FAM227B: variants seen among roughly 807,000 people sequenced by gnomAD.
FAM227B encodes the protein family with sequence similarity 227 member B.
In FAM227B, 88 loss-of-function variants were observed where a neutral mutation model predicts 73.8. The observed-to-expected ratio is 1.19, with a 90% CI of 1.00 to 1.42. FAM227B has a LOEUF of 1.42. Among genes scored for constraint, FAM227B ranks in the 40% most tolerant of loss-of-function variants. The probability of loss-of-function intolerance (pLI) is 0.00; values close to 1 mark genes in which losing one functional copy is unlikely to be tolerated. For missense variants in FAM227B, 632 were observed against 590.9 expected (o/e 1.07, Z -0.72); for synonymous variants, 210 against 190.5 (o/e 1.10, Z -0.84).
intron 11 of FAM227B, among the ~76,000 whole-genome samples, chr15:49,506,808 T>C (rs2058619464): frequency 6.6e-6 from 1 of 151,934 alleles, no homozygotes; most frequent in South Asian, 2.1e-4. Context: ...AAGCAGTGCT[T>C]AGGGAAATTT....
intron 11 of FAM227B, among the ~76,000 whole-genome samples, chr15:49,494,950 T>C (rs1277772732): frequency 4.6e-5 from 7 of 152,202 alleles, no homozygotes. Flanking sequence ...CTAAGCATGA[T>C]ACAAATGTCA....
chr15:49,456,712 A>T (rs2053326516), intron 11 of FAM227B, among the ~76,000 whole-genome samples: 3 of 152,060 alleles, frequency 2.0e-5, no homozygotes, highest in African/African-American at 7.2e-5. Flanking sequence ...TTCTGAAAAG[A>T]AAAAAGGGGA....
intron 11 of FAM227B, among the ~76,000 whole-genome samples, chr15:49,502,520 C>G (rs1481698592): frequency 6.6e-6 from 1 of 152,220 alleles, no homozygotes. Flanking sequence ...GCCGATTTCT[C>G]CCTTTTGGAA....
chr15:49,575,059 A>G lies in FAM227B; in HGVS notation c.597T>C (p.Ile199=). The part of the protein sequence containing the change: ...WKTHFLSEAS[I]ALLHDSFWWW... The stretch of plus-strand genomic sequence containing the variant: ...ACCAAAAGGAGTCATGCAAAAGAGC[A>G]ATGGAGGCTTCTGAGAGAAAATGAG... Residue 199 remains isoleucine, a synonymous_variant, in exon 8 of 16, where the codon ATT becomes ATC. Coordinates refer to ENST00000299338, the MANE Select transcript of FAM227B (RefSeq NM_152647.3). 6.2e-7 allele frequency: 1 copy of G among 1,602,976 alleles called. No homozygotes were observed. The highest frequency in any genetic ancestry group is 1.1e-5 in the South Asian group (1 of 89,414).
chr15:49,606,505 C>T (rs559059324), intron 3 of FAM227B, among the ~76,000 whole-genome samples: 4 of 152,336 alleles, frequency 2.6e-5, no homozygotes, highest in African/African-American at 9.6e-5. Context: ...CCTTTTCATA[C>T]TACTTGGGCT....
chr15:49,365,548 T>C (rs912316397), intron 13 of FAM227B: 1 of 881,298 alleles, frequency 1.1e-6, no homozygotes. Context: ...TGTTTCAGTA[T>C]TTTCAAAAGG....
At chr15:49,387,304 T>A (rs1412293176) in intron 11 of FAM227B, among the ~76,000 whole-genome samples, 1 of 151,892 alleles carries the variant, frequency 6.6e-6, no homozygotes, top group Non-Finnish European at 1.5e-5. Context: ...CATGGTCAAG[T>A]GGGTTTCATC....
chr15:49,572,159 T>TA (rs1363901316), intron 8 of FAM227B, among the ~76,000 whole-genome samples: 1 of 152,092 alleles, frequency 6.6e-6, no homozygotes, highest in Non-Finnish European at 1.5e-5. Flanking sequence ...AATTCATTGT[T>TA]AGTGTACAGA....
intron 11 of FAM227B, among the ~76,000 whole-genome samples, chr15:49,421,909 C>A (rs2049664800): frequency 6.6e-6 from 1 of 152,186 alleles, no homozygotes; most frequent in African/African-American, 2.4e-5. Context: ...AGAGTCTGTC[C>A]CCCTCTGCTT....
intron 11 of FAM227B, among the ~76,000 whole-genome samples, chr15:49,474,021 T>C (rs1195070522): frequency 6.6e-6 from 1 of 152,150 alleles, no homozygotes; most frequent in Non-Finnish European, 1.5e-5. Flanking sequence ...TTGAAAAATA[T>C]ACTAACCTAA....
At chr15:49,491,718 T>C (rs202211839) in intron 11 of FAM227B, among the ~76,000 whole-genome samples, 55 of 135,062 alleles carry the variant, frequency 4.1e-4, no homozygotes, top group African/African-American at 1.7e-3. Flanking sequence ...CACACACACA[T>C]ATGCACACAC....
rs535889150 is a variant in FAM227B, at chr15:49,577,708, G to T, written c.406-44C>A. 1,509 of 1,234,516 alleles carry T rather than the reference G, an allele frequency of 1.2e-3. 37 individuals carry two copies. The South Asian group carries it at 0.019, about 16-fold the overall frequency. 76.5% of individuals were successfully genotyped at this position (1,234,516 alleles called of 1,614,324 possible). On this transcript the variant is annotated intron_variant, in intron 5 of 15. Transcript: ENST00000299338. Reference sequence around the variant, plus strand: ...AAACTCTTTAAAACTCTAAATTAAAGAAATTTTACATTTAGTAAATTTGTT... The same window carrying T: ...AAACTCTTTAAAACTCTAAATTAAATAAATTTTACATTTAGTAAATTTGTT...
intron 11 of FAM227B, among the ~76,000 whole-genome samples, chr15:49,401,862 GA>G (rs2048178131): frequency 9.2e-6 from 1 of 108,638 alleles, no homozygotes; most frequent in Non-Finnish European, 1.8e-5. Flanking sequence ...GGGGTGGGGG[GA>G]GGGGGGAGGG....
At chr15:49,489,787 GAT>G (rs1180799050) in intron 11 of FAM227B, among the ~76,000 whole-genome samples, 2 of 78,116 alleles carry the variant, frequency 2.6e-5, no homozygotes, top group South Asian at 4.3e-4. Flanking sequence ...CAGAACAGGA[GAT>G]ATATATATAT....
intron 3 of FAM227B, among the ~76,000 whole-genome samples, chr15:49,605,360 T>C (rs999122753): frequency 6.6e-6 from 1 of 152,198 alleles, no homozygotes; most frequent in Non-Finnish European, 1.5e-5. Flanking sequence ...TTAGGTGGTA[T>C]TACCTCTTGG....
At chr15:49,396,685 G>A (rs1248315717) in intron 11 of FAM227B, among the ~76,000 whole-genome samples, 3 of 150,698 alleles carry the variant, frequency 2.0e-5, no homozygotes, top group Non-Finnish European at 3.0e-5. Flanking sequence ...GTGGGTCCCT[G>A]ACCCCTGACC....
chr15:49,403,324 T>C (rs1406985400), intron 11 of FAM227B, among the ~76,000 whole-genome samples: 1 of 152,222 alleles, frequency 6.6e-6, no homozygotes, highest in Non-Finnish European at 1.5e-5. Context: ...TTTTTTGGAA[T>C]AGTTTCAGTA....
chr15:49,465,690 ATT>A (rs1267422038), intron 11 of FAM227B, among the ~76,000 whole-genome samples: 1 of 152,220 alleles, frequency 6.6e-6, no homozygotes, highest in Non-Finnish European at 1.5e-5. Flanking sequence ...ATAAAGTATT[ATT>A]TAAATTAACC....
intron 11 of FAM227B, among the ~76,000 whole-genome samples, chr15:49,392,032 G>T (rs1385619195): frequency 1.3e-5 from 2 of 152,056 alleles, no homozygotes; most frequent in Admixed American, 6.6e-5. Context: ...GAAAAACACT[G>T]CAAGTTTCAA....
Sources: allele counts gnomAD v4.1 joint callset (sites outside exome capture counted in the v4.1 genomes callset), GRCh38; gene constraint gnomAD v4.1.1; transcripts MANE v1.5; gene names NCBI Gene and HGNC (gene_info 2026-07-23, HGNC 2026-07-21).